The following DLGAP2 variants were observed in gnomAD, a reference collection of about 807,000 sequenced individuals.
DLGAP2 encodes the protein DLG associated protein 2.
In DLGAP2, 26 loss-of-function variants were observed where a neutral mutation model predicts 100.3. The ratio of observed to expected loss-of-function variants is 0.26; its 90% CI spans 0.19 to 0.36. The LOEUF (loss-of-function observed/expected upper bound fraction) is 0.36, where lower values mean the gene tolerates loss of function less well. DLGAP2 is among the 10% of genes least tolerant of loss of function. The probability of loss-of-function intolerance (pLI) is 1.00; values close to 1 mark genes in which losing one functional copy is unlikely to be tolerated. For synonymous variants in DLGAP2, 886 were observed against 630.1 expected (o/e 1.41, Z -6.08); for missense variants, 1,858 against 1,453.2 (o/e 1.28, Z -4.53).
chr8:1,250,093 C>T (rs10108098), intron 2 of DLGAP2, among the ~76,000 whole-genome samples: 2,244 of 152,236 alleles, frequency 0.015, 41 homozygotes, highest in South Asian at 0.051. Context: ...GTTGGTCAGG[C>T]TGGTCTCGAT....
rs550326229 is a variant in DLGAP2 at position 811,500 on chromosome 8, G to A, written c.18+73675G>A. Among the ~76,000 whole-genome samples, 221 of 143,790 alleles carry A rather than the reference G, an allele frequency of 1.5e-3. 2 individuals are homozygous for A. The highest frequency in any genetic ancestry group is 5.1e-3 in the African/African-American group (196 of 38,298). The allele number at this position is 143,790 out of a possible 152,430, so 94.3% of individuals were successfully genotyped here. A position where few individuals can be genotyped will look rare whatever the true frequency, so the allele number is the denominator to read the frequency against. Reference sequence around the variant, plus strand: ...TGGGGGCTCAGCCAGGGCTCCTGCCGTGGTGAGAGGCCACCAGCTTTCGGA... The same window carrying A: ...TGGGGGCTCAGCCAGGGCTCCTGCCATGGTGAGAGGCCACCAGCTTTCGGA... On this transcript the variant is annotated intron_variant, in intron 1 of 14. Transcript: ENST00000637795.
intron 2 of DLGAP2, among the ~76,000 whole-genome samples, chr8:933,049 C>T (rs1465165185): frequency 6.6e-6 from 1 of 152,220 alleles, no homozygotes; most frequent in Non-Finnish European, 1.5e-5. Context: ...TTCTGGAGTT[C>T]CTATGGACTC....
intron 2 of DLGAP2, among the ~76,000 whole-genome samples, chr8:1,001,885 C>G (rs1329929928): frequency 1.3e-5 from 2 of 152,110 alleles, no homozygotes; most frequent in South Asian, 2.1e-4. Context: ...CTTTGAGGCT[C>G]AAGAAAGGGC....
At chr8:1,213,634 G>A (rs535320285) in intron 2 of DLGAP2, among the ~76,000 whole-genome samples, 20 of 152,114 alleles carry the variant, frequency 1.3e-4, no homozygotes, top group Admixed American at 3.3e-4. Context: ...ATTCCTTAGG[G>A]AGCTTCCCGT....
chr8:1,121,247 A>G (rs1563202607), intron 2 of DLGAP2, among the ~76,000 whole-genome samples: 1 of 149,312 alleles, frequency 6.7e-6, no homozygotes, highest in South Asian at 2.1e-4. Context: ...ATGAACACCC[A>G]TCCTCGTCCC....
intron 3 of DLGAP2, among the ~76,000 whole-genome samples, chr8:1,423,510 C>G (rs931651114): frequency 6.6e-6 from 1 of 152,246 alleles, no homozygotes; most frequent in African/African-American, 2.4e-5. Context: ...CTTGTCAAGG[C>G]ATCAGCGCTT....
At chr8:1,488,467 AGAGGCCAGTCG>A (rs1407976324) in intron 3 of DLGAP2, among the ~76,000 whole-genome samples, 1 of 152,206 alleles carries the variant, frequency 6.6e-6, no homozygotes, top group African/African-American at 2.4e-5. Context: ...AGAGGCATTG[AGAGGCCAGTCG>A]GAACGGTGCC....
chr8:1,203,203 T>C (rs1021077629), intron 2 of DLGAP2, among the ~76,000 whole-genome samples: 2 of 152,196 alleles, frequency 1.3e-5, no homozygotes, highest in East Asian at 1.9e-4. Flanking sequence ...GAGGGGATTA[T>C]AGACGTGTGT....
chr8:987,379 C>A (rs13273848), intron 2 of DLGAP2, among the ~76,000 whole-genome samples: 44,498 of 151,920 alleles, frequency 0.29, 7,559 homozygotes, highest in Admixed American at 0.4. Flanking sequence ...GGCTTGCACA[C>A]CTGTAGAAAT....
intron 2 of DLGAP2, among the ~76,000 whole-genome samples, chr8:1,045,886 G>A (rs2701927): frequency 0.29 from 44,110 of 152,028 alleles, 7,093 homozygotes; most frequent in Middle Eastern, 0.38. Flanking sequence ...GTCTGCACAA[G>A]GTTGGAATGT....
At chr8:965,766 G>A (rs903434897) in intron 2 of DLGAP2, among the ~76,000 whole-genome samples, 4 of 117,522 alleles carry the variant, frequency 3.4e-5, no homozygotes, top group Non-Finnish European at 7.2e-5. Context: ...TCTGACCCCT[G>A]CGCTGCACAC....
chr8:1,525,458 G>C (rs1388241501), intron 4 of DLGAP2, among the ~76,000 whole-genome samples: 1 of 152,126 alleles, frequency 6.6e-6, no homozygotes, highest in African/African-American at 2.4e-5. Flanking sequence ...GTGACCATCA[G>C]AGTCCCAGTG....
At chr8:1,301,763 C>A (rs1800347846) in intron 3 of DLGAP2, 2 of 152,324 alleles carry the variant, frequency 1.3e-5, no homozygotes, top group Admixed American at 1.3e-4. Context: ...CTTGTTCTCG[C>A]CACAGCACCC....
intron 3 of DLGAP2, among the ~76,000 whole-genome samples, chr8:1,500,610 A>C (rs761025564): frequency 3.3e-5 from 5 of 152,258 alleles, no homozygotes; most frequent in African/African-American, 1.2e-4. Context: ...CCAGCTCCTC[A>C]GGGACCAGTT....
At chr8:984,365 A>C (rs1800427504) in intron 2 of DLGAP2, among the ~76,000 whole-genome samples, 1 of 152,206 alleles carries the variant, frequency 6.6e-6, no homozygotes, top group Non-Finnish European at 1.5e-5. Flanking sequence ...TCCATAAAAA[A>C]ACTTCACTAA....
chr8:1,256,506 G>T (rs538188785), intron 2 of DLGAP2, among the ~76,000 whole-genome samples: 1 of 142,114 alleles, frequency 7.0e-6, no homozygotes, highest in Admixed American at 6.9e-5. Context: ...TCTCCTGCCT[G>T]GGTGCTGTGT....
In DLGAP2 at chr8:1,691,563, G is replaced by A. The variant is rs932739910; in HGVS notation, c.2733G>A (p.Gly911=). 1 of 1,614,084 alleles carries A rather than the reference G, an allele frequency of 6.2e-7. No individual in the cohort carries two copies. Among genetic ancestry groups the A allele is most frequent in the Non-Finnish European group, 8.5e-7 (1 of 1,179,990 alleles). The change falls in exon 13 of 15, where the codon GGG becomes GGA. Residue 911 remains glycine (G), a synonymous_variant. Transcript: ENST00000637795. The part of the protein sequence containing the change: ...EILGKIRSAV[G]SAQLLMSQKF... ...TCGGTAAAATCAGGAGTGCTGTTGG[G>A]AGTGCCCAGCTTCTCATGTCCCAGA...
At chr8:1,251,409 A>G (rs911728939) in intron 2 of DLGAP2, among the ~76,000 whole-genome samples, 2 of 152,186 alleles carry the variant, frequency 1.3e-5, no homozygotes, top group African/African-American at 4.8e-5. Context: ...CCATTTGAGC[A>G]GATAAGATTC....
At chr8:1,215,065 A>G (rs777800801) in intron 2 of DLGAP2, among the ~76,000 whole-genome samples, 32 of 152,374 alleles carry the variant, frequency 2.1e-4, no homozygotes, top group African/African-American at 7.5e-4. Context: ...GGGAAAATCA[A>G]CGTCATCCAT....
Sources: gnomAD v4.1 joint callset for allele counts (sites outside exome capture counted in the v4.1 genomes callset) on GRCh38, gnomAD v4.1.1 for gene constraint, MANE v1.5 for transcripts, NCBI Gene and HGNC (gene_info 2026-07-23, HGNC 2026-07-21) for gene names.